The following SETBP1 variants were observed in gnomAD, a reference collection of about 807,000 sequenced individuals.
SETBP1 encodes the protein SET-binding protein.
Under a neutral mutation model 101.0 loss-of-function variants are expected in SETBP1, and 9 were observed. That is an observed-to-expected ratio of 0.09 (90% CI 0.05 to 0.16). SETBP1 has a LOEUF of 0.16. Among genes scored for constraint, SETBP1 ranks in the 10% least tolerant of loss-of-function variants. SETBP1 has a pLI of 1.00. For synonymous variants in SETBP1, 818 were observed against 788.5 expected, an observed-to-expected ratio of 1.04 and a Z score of -0.63; for missense variants, 1,858 against 2,033.8, an observed-to-expected ratio of 0.91 and a Z score of 1.66.
At chr18:44,824,000 G>C (rs1312689492) in intron 2 of SETBP1, among the ~76,000 whole-genome samples, 1 of 152,184 alleles carries the variant, frequency 6.6e-6, no homozygotes, top group Non-Finnish European at 1.5e-5. Context: ...GAGGATGACT[G>C]TTCAGTGTCT....
intron 4 of SETBP1, among the ~76,000 whole-genome samples, chr18:45,017,808 T>C (rs571778584): frequency 5.3e-4 from 80 of 152,352 alleles, no homozygotes; most frequent in African/African-American, 1.9e-3. Flanking sequence ...CCCACCACAC[T>C]GCGTCCCTAC....
chr18:45,016,463 T>C (rs2072943643), intron 4 of SETBP1, among the ~76,000 whole-genome samples: 1 of 152,182 alleles, frequency 6.6e-6, no homozygotes, highest in African/African-American at 2.4e-5. Context: ...CAGAGTTCCC[T>C]GTCGCGGCGG....
At chr18:44,926,691 C>G (rs577266815) in intron 3 of SETBP1, among the ~76,000 whole-genome samples, 1 of 152,144 alleles carries the variant, frequency 6.6e-6, no homozygotes, top group Non-Finnish European at 1.5e-5. Context: ...TAAGAAGCAA[C>G]CAAAATCATC....
rs11399627 is a variant in SETBP1, at chr18:44,787,860, C to CAAAAAAA, written c.487-81356_487-81350dup. 2.2e-3 allele frequency among the ~76,000 whole-genome samples: 20 copies of CAAAAAAA among 9,214 alleles called. 4 individuals are homozygous for CAAAAAAA. The highest frequency in any genetic ancestry group is 6.4e-3 in the African/African-American group (15 of 2,342). 6.0% of individuals were successfully genotyped at this position (9,214 alleles called of 152,430 possible). A position where few individuals can be genotyped will look rare whatever the true frequency, so the allele number is the denominator to read the frequency against. On this transcript the variant is annotated intron_variant, in intron 2 of 5. Coordinates refer to ENST00000649279, the MANE Select transcript of SETBP1 (RefSeq NM_015559.3). ...TGGGCGACAGAGCGAGAGTCCGTCT[C>CAAAAAAA]AAAAAAAAAAAAAAAAAAAAGAAAA... is the stretch of plus-strand genomic sequence containing the variant.
intron 2 of SETBP1, among the ~76,000 whole-genome samples, chr18:44,774,859 G>A (rs1482716450): frequency 6.6e-6 from 1 of 151,886 alleles, no homozygotes; most frequent in Non-Finnish European, 1.5e-5. Flanking sequence ...CAGGTCTCTA[G>A]GAGTTTAGCA....
chr18:44,871,958 AG>A (rs1436455660), intron 3 of SETBP1: 1 of 152,182 alleles, frequency 6.6e-6, no homozygotes, highest in Non-Finnish European at 1.5e-5. Flanking sequence ...CAGATGGAAA[AG>A]CTTCTGAAAT....
At chr18:45,029,825 G>A (rs957548339) in intron 4 of SETBP1, among the ~76,000 whole-genome samples, 1 of 152,204 alleles carries the variant, frequency 6.6e-6, no homozygotes, top group Admixed American at 6.5e-5. Context: ...TGTTATTGGT[G>A]TATAAGAATG....
At chr18:44,878,280 T>C (rs1416274875) in intron 3 of SETBP1, among the ~76,000 whole-genome samples, 2 of 152,152 alleles carry the variant, frequency 1.3e-5, no homozygotes, top group Admixed American at 1.3e-4. Context: ...ACTCCAAAGA[T>C]TTCCTTATTC....
At chr18:44,970,635 T>C (rs1179469106) in intron 4 of SETBP1, among the ~76,000 whole-genome samples, 1 of 151,914 alleles carries the variant, frequency 6.6e-6, no homozygotes, top group East Asian at 1.9e-4. Flanking sequence ...TACTGCAACC[T>C]CCACTTCCTG....
intron 2 of SETBP1, among the ~76,000 whole-genome samples, chr18:44,756,334 G>A (rs927550048): frequency 1.3e-5 from 2 of 152,120 alleles, no homozygotes; most frequent in Non-Finnish European, 2.9e-5. Context: ...AGTGCTATGC[G>A]GTTTTTCCCA....
chr18:44,926,848 T>A (rs2070717476), intron 3 of SETBP1, among the ~76,000 whole-genome samples: 1 of 152,160 alleles, frequency 6.6e-6, no homozygotes, highest in Non-Finnish European at 1.5e-5. Flanking sequence ...CAGGTTCAGG[T>A]CAGTCTTTCC....
chr18:44,730,455 T>G (rs1018937149), intron 2 of SETBP1, among the ~76,000 whole-genome samples: 35 of 152,324 alleles, frequency 2.3e-4, no homozygotes, highest in African/African-American at 7.0e-4. Flanking sequence ...TGGGGTGGTA[T>G]GCAGGAGTCA....
intron 3 of SETBP1, among the ~76,000 whole-genome samples, chr18:44,918,161 G>A (rs1211664523): frequency 6.6e-6 from 1 of 152,174 alleles, no homozygotes; most frequent in East Asian, 1.9e-4. Flanking sequence ...CCCACATATA[G>A]TCTACTTCAA....
At chr18:44,897,496 A>G (rs897059365) in intron 3 of SETBP1, among the ~76,000 whole-genome samples, 1 of 152,160 alleles carries the variant, frequency 6.6e-6, no homozygotes, top group African/African-American at 2.4e-5. Flanking sequence ...TCCTCCCAGC[A>G]TGTGGTCTGG....
chr18:44,956,749 A>G (rs2071491495), intron 4 of SETBP1, among the ~76,000 whole-genome samples: 2 of 152,230 alleles, frequency 1.3e-5, no homozygotes, highest in South Asian at 2.1e-4. Flanking sequence ...AGTCATTACC[A>G]TTATGGAGAG....
At chr18:44,939,995 A>C (rs976433095) in intron 3 of SETBP1, among the ~76,000 whole-genome samples, 1 of 152,212 alleles carries the variant, frequency 6.6e-6, no homozygotes, top group African/African-American at 2.4e-5. Context: ...AGGAGTGTTA[A>C]AATACCTTTA....
intron 4 of SETBP1, among the ~76,000 whole-genome samples, chr18:45,000,585 T>G (rs1374703244): frequency 1.3e-5 from 2 of 152,088 alleles, no homozygotes; most frequent in African/African-American, 4.8e-5. Flanking sequence ...AAATATACTC[T>G]TAAAATAAAA....
intron 4 of SETBP1, among the ~76,000 whole-genome samples, chr18:45,000,355 G>C (rs1215858670): frequency 6.6e-6 from 1 of 152,208 alleles, no homozygotes; most frequent in African/African-American, 2.4e-5. Context: ...GTGAGAGCTA[G>C]GCCCAAGGAC....
intron 2 of SETBP1, among the ~76,000 whole-genome samples, chr18:44,772,017 G>T (rs2070885502): frequency 6.6e-6 from 1 of 152,198 alleles, no homozygotes; most frequent in Non-Finnish European, 1.5e-5. Context: ...TAGCAGTGAG[G>T]CTGTGTGCTG....
Sources: allele counts gnomAD v4.1 joint callset (sites outside exome capture counted in the v4.1 genomes callset), GRCh38; gene constraint gnomAD v4.1.1; transcripts MANE v1.5; gene names NCBI Gene and HGNC (gene_info 2026-07-23, HGNC 2026-07-21).